Variants in HOXC5 observed in about 807,000 individuals in gnomAD.
HOXC5 encodes homeobox C5, also known as homeobox protein Hox-C5.
A neutral mutation model predicts 20.1 loss-of-function variants in HOXC5; 19 were observed. The ratio of observed to expected loss-of-function variants is 0.94; its 90% CI spans 0.66 to 1.38. The LOEUF (loss-of-function observed/expected upper bound fraction) is 1.38, where lower values mean the gene tolerates loss of function less well. HOXC5 is among the 40% of genes most tolerant of loss of function. HOXC5 has a pLI of 0.00. For synonymous variants in HOXC5, 124 were observed against 117.0 expected (o/e 1.06, Z -0.39); for missense variants, 330 against 300.1 (o/e 1.10, Z -0.74).
the HOXC5 span, chr12:54,021,468 C>T: frequency 6.6e-6 from 1 of 152,218 alleles, no homozygotes; most frequent in Admixed American, 6.5e-5. Flanking sequence ...AGCCTTTTTC[C>T]CTTCCAGAGA....
upstream of HOXC5, among the ~76,000 whole-genome samples, chr12:54,031,176 G>T (rs1003480428): frequency 6.6e-6 from 1 of 152,236 alleles, no homozygotes; most frequent in Non-Finnish European, 1.5e-5. Flanking sequence ...ACCCTGAGGC[G>T]CCCCGAAAGA....
upstream of HOXC5, chr12:54,032,878 A>C: frequency 3.4e-6 from 1 of 291,846 alleles, no homozygotes; most frequent in Non-Finnish European, 6.3e-6. Context: ...ACATATCGAG[A>C]TGCTTTTCGC....
the HOXC5 span, among the ~76,000 whole-genome samples, chr12:54,027,149 G>A: frequency 2.1e-4 from 32 of 152,326 alleles, no homozygotes; most frequent in South Asian, 6.2e-3. Flanking sequence ...CACAAGCCTC[G>A]GATTCAGCTG....
At chr12:54,026,447 A>C in the HOXC5 span, among the ~76,000 whole-genome samples, 1 of 152,230 alleles carries the variant, frequency 6.6e-6, no homozygotes, top group Non-Finnish European at 1.5e-5. Context: ...CCCAAAAATG[A>C]GATAACTCAT....
chr12:54,029,578 G>A (rs1940901420), upstream of HOXC5: 3 of 1,490,550 alleles, frequency 2.0e-6, no homozygotes, highest in Non-Finnish European at 2.7e-6. Context: ...GGGAGGGTCA[G>A]GACTTTGCTA....
the HOXC5 span, among the ~76,000 whole-genome samples, chr12:54,026,944 C>T: frequency 1.7e-4 from 23 of 136,488 alleles, no homozygotes; most frequent in South Asian, 6.7e-4. Flanking sequence ...TTTCCCCCCC[C>T]CCAACCCACC....
chr12:54,034,232 C>T, intron 1 of HOXC5, 46 bp from the exon 2 acceptor site: 1 of 1,528,160 alleles, frequency 6.5e-7, no homozygotes, highest in Non-Finnish European at 9.0e-7. Flanking sequence ...GGGAACGCTG[C>T]AAGCTATTCA....
upstream of HOXC5, among the ~76,000 whole-genome samples, chr12:54,032,050 A>G (rs1016025231): frequency 3.9e-5 from 6 of 152,200 alleles, no homozygotes; most frequent in African/African-American, 4.8e-5. Context: ...CATGTCCTCA[A>G]TTAACATCTA....
chr12:54,032,247 A>G (rs1469450663), upstream of HOXC5, among the ~76,000 whole-genome samples: 3 of 152,008 alleles, frequency 2.0e-5, no homozygotes, highest in Non-Finnish European at 2.9e-5. Context: ...TCACCTCCAG[A>G]TCCATCCCAA....
intron 1 of HOXC5, 162 bp from the exon 2 acceptor site, chr12:54,034,116 G>GGGGCTGGGCT: frequency 4.0e-6 from 3 of 746,060 alleles, no homozygotes; most frequent in Middle Eastern, 2.6e-4. Flanking sequence ...CGCCTCTCCC[G>GGGGCTGGGCT]GGGCTGGGCT....
At chr12:54,026,976 G>GAA in the HOXC5 span, among the ~76,000 whole-genome samples, 2 of 143,184 alleles carry the variant, frequency 1.4e-5, no homozygotes, top group Non-Finnish European at 3.1e-5. Flanking sequence ...GGGGGGGGGG[G>GAA]ATATGAGCTT....
chr12:54,021,275 T>TA, the HOXC5 span: 4 of 152,158 alleles, frequency 2.6e-5, no homozygotes, highest in African/African-American at 9.7e-5. Context: ...GTCCCCCAAA[T>TA]ACCCAGATCT....
chr12:54,034,856 G>A lies in HOXC5; in HGVS notation c.*364G>A, dbSNP rs1941141185. On this transcript the variant is annotated 3_prime_UTR_variant, in exon 2 of 2. Coordinates refer to ENST00000312492, the MANE Select transcript of HOXC5 (RefSeq NM_018953.4). Reference sequence around the variant, plus strand: ...GCGCGGCCCTCCCGAGTTAAGGTGGGCCCGGCCCGCGCCACAGGACCCTCG... The same window carrying A: ...GCGCGGCCCTCCCGAGTTAAGGTGGACCCGGCCCGCGCCACAGGACCCTCG... 1.7e-5 allele frequency: 5 copies of A among 291,298 alleles called. No individual in the cohort carries two copies. The highest frequency in any genetic ancestry group is 1.5e-4 in the South Asian group (4 of 26,078). 18.0% of individuals were successfully genotyped at this position (291,298 alleles called of 1,614,324 possible). A position where few individuals can be genotyped will look rare whatever the true frequency, so the allele number is the denominator to read the frequency against.
chr12:54,030,198 T>A, upstream of HOXC5: 1 of 452,914 alleles, frequency 2.2e-6, no homozygotes, highest in Non-Finnish European at 3.9e-6. Flanking sequence ...CGTTCTCGGC[T>A]TGTCTACAGG....
chr12:54,031,831 C>T (rs143567681), upstream of HOXC5, among the ~76,000 whole-genome samples: 1 of 152,144 alleles, frequency 6.6e-6, no homozygotes, highest in South Asian at 2.1e-4. Context: ...CTGCAGATAC[C>T]CTGCGAAGGC....
At chr12:54,026,795 A>C in the HOXC5 span, among the ~76,000 whole-genome samples, 1 of 152,192 alleles carries the variant, frequency 6.6e-6, no homozygotes, top group Admixed American at 6.5e-5. Flanking sequence ...CCTTAACGTT[A>C]CAGAAGATGA....
At chr12:54,031,147 C>T (rs1226993168), upstream of HOXC5, among the ~76,000 whole-genome samples, 1 of 152,262 alleles carries the variant, frequency 6.6e-6, no homozygotes. Flanking sequence ...CTGTGGCAGC[C>T]GGTGTCCTCG....
At chr12:54,032,700 G>A (rs1487959596), upstream of HOXC5, among the ~76,000 whole-genome samples, 3 of 152,160 alleles carry the variant, frequency 2.0e-5, no homozygotes, top group Admixed American at 6.5e-5. Flanking sequence ...TCCAGCCACC[G>A]GAAAGCAAGC....
chr12:54,022,458 G>A, the HOXC5 span: 1 of 152,024 alleles, frequency 6.6e-6, no homozygotes. Flanking sequence ...ATTTAAAAGA[G>A]TATCATTGAA....
Sources: allele counts gnomAD v4.1 joint callset (sites outside exome capture counted in the v4.1 genomes callset), GRCh38; gene constraint gnomAD v4.1.1; transcripts MANE v1.5; gene names NCBI Gene and HGNC (gene_info 2026-07-23, HGNC 2026-07-21).